SLC35F4: variants seen among roughly 807,000 people sequenced by gnomAD.
SLC35F4 encodes the protein solute carrier family 35 member F4.
SLC35F4 carries 24 observed loss-of-function variants against 44.2 expected under a neutral mutation model. The ratio of observed to expected loss-of-function variants is 0.54; its 90% confidence interval spans 0.39 to 0.76. SLC35F4 has a LOEUF of 0.76. Among genes scored for constraint, SLC35F4 ranks in the 30% least tolerant of loss-of-function variants. SLC35F4 has a pLI of 0.00. For synonymous variants in SLC35F4, 238 were observed against 223.6 expected, an observed-to-expected ratio of 1.06 and a Z score of -0.57; for missense variants, 562 against 586.1, an observed-to-expected ratio of 0.96 and a Z score of 0.42.
intron 1 of SLC35F4, among the ~76,000 whole-genome samples, chr14:57,715,119 A>G (rs535652089): frequency 6.6e-6 from 1 of 152,298 alleles, no homozygotes; most frequent in South Asian, 2.1e-4. Context: ...CTGAGGGCTC[A>G]GTTAGGGAAC....
intron 1 of SLC35F4, among the ~76,000 whole-genome samples, chr14:57,719,081 G>A (rs141476705): frequency 6.6e-6 from 1 of 152,220 alleles, no homozygotes; most frequent in Non-Finnish European, 1.5e-5. Flanking sequence ...CAGCAGCATT[G>A]ATTGAAAATA....
At chr14:57,799,208 G>A (rs1219601756) in intron 1 of SLC35F4, among the ~76,000 whole-genome samples, 1 of 152,176 alleles carries the variant, frequency 6.6e-6, no homozygotes, top group Non-Finnish European at 1.5e-5. Flanking sequence ...CAGAGCCAAA[G>A]AAACCCCCAC....
intron 3 of SLC35F4, among the ~76,000 whole-genome samples, chr14:57,582,712 A>G (rs376864250): frequency 6.6e-6 from 1 of 152,168 alleles, no homozygotes; most frequent in Non-Finnish European, 1.5e-5. Flanking sequence ...CATGAGTAGT[A>G]TATGTTTATA....
At chr14:57,962,453 G>A (rs549063922) in intron 1 of SLC35F4, among the ~76,000 whole-genome samples, 5 of 152,230 alleles carry the variant, frequency 3.3e-5, no homozygotes, top group East Asian at 1.9e-4. Context: ...GCAGATTCTC[G>A]GCCCTGCCTC....
intron 1 of SLC35F4, among the ~76,000 whole-genome samples, chr14:57,833,456 G>C (rs1478887536): frequency 6.6e-6 from 1 of 152,190 alleles, no homozygotes; most frequent in Non-Finnish European, 1.5e-5. Flanking sequence ...AGGTGATTCT[G>C]ATGAATCAAA....
intron 1 of SLC35F4, among the ~76,000 whole-genome samples, chr14:57,712,503 G>C (rs2075839280): frequency 6.6e-6 from 1 of 152,094 alleles, no homozygotes; most frequent in Non-Finnish European, 1.5e-5. Context: ...AGTTTTTCAA[G>C]GTATTGACAT....
At chr14:57,951,731 C>A (rs534539517) in intron 1 of SLC35F4, among the ~76,000 whole-genome samples, 5 of 152,346 alleles carry the variant, frequency 3.3e-5, no homozygotes, top group African/African-American at 1.2e-4. Context: ...AACTGCCTCT[C>A]TAGATTTCTC....
intron 2 of SLC35F4, among the ~76,000 whole-genome samples, chr14:57,593,157 T>C (rs1420457520): frequency 6.6e-6 from 1 of 152,196 alleles, no homozygotes; most frequent in Admixed American, 6.5e-5. Flanking sequence ...AACTGTTTGC[T>C]CTTTTCAGGA....
intron 1 of SLC35F4, among the ~76,000 whole-genome samples, chr14:57,599,580 G>A (rs1028190589): frequency 7.2e-5 from 11 of 152,080 alleles, no homozygotes; most frequent in African/African-American, 2.7e-4. Context: ...GGTGGCTCAC[G>A]ACTGTAATCC....
intron 1 of SLC35F4, among the ~76,000 whole-genome samples, chr14:57,845,571 C>T (rs995190279): frequency 4.3e-4 from 65 of 152,218 alleles, no homozygotes; most frequent in Middle Eastern, 3.4e-3. Flanking sequence ...GTATACAGTG[C>T]CTATTTGGGT....
chr14:57,711,324 G>A (rs527440499), intron 1 of SLC35F4, among the ~76,000 whole-genome samples: 1 of 152,198 alleles, frequency 6.6e-6, no homozygotes, highest in South Asian at 2.1e-4. Context: ...AGAACTGTGA[G>A]TCAATTAAGC....
chr14:57,789,746 A>G (rs76113363), intron 1 of SLC35F4, among the ~76,000 whole-genome samples: 1 of 152,240 alleles, frequency 6.6e-6, no homozygotes, highest in African/African-American at 2.4e-5. Context: ...AAAATTCTCA[A>G]TAAAATACTG....
chr14:57,893,223 G>C (rs1483513035), intron 1 of SLC35F4, among the ~76,000 whole-genome samples: 2 of 152,116 alleles, frequency 1.3e-5, no homozygotes, highest in Non-Finnish European at 2.9e-5. Context: ...TCCCCATATA[G>C]TGCCCCCTTT....
At chr14:57,870,868 T>A (rs986497168), upstream of SLC35F4, among the ~76,000 whole-genome samples, 1 of 152,230 alleles carries the variant, frequency 6.6e-6, no homozygotes, top group African/African-American at 2.4e-5. Context: ...CCATGGGTAA[T>A]GATCACGTGA....
intron 1 of SLC35F4, among the ~76,000 whole-genome samples, chr14:57,977,512 C>A (rs1881253722): frequency 6.6e-6 from 1 of 152,174 alleles, no homozygotes; most frequent in Non-Finnish European, 1.5e-5. Context: ...TGATTGACTA[C>A]AATCCATCAA....
At chr14:57,932,996 A>G (rs974773278) in intron 1 of SLC35F4, among the ~76,000 whole-genome samples, 2 of 151,880 alleles carry the variant, frequency 1.3e-5, no homozygotes, top group African/African-American at 4.8e-5. Flanking sequence ...TCCTGCTGAA[A>G]TCAACCTCGG....
chr14:57,783,470 G>A (rs1235421798), intron 1 of SLC35F4, among the ~76,000 whole-genome samples: 1 of 152,144 alleles, frequency 6.6e-6, no homozygotes, highest in Non-Finnish European at 1.5e-5. Flanking sequence ...AGGCAGGAAG[G>A]AATGGGCTAA....
chr14:57,769,108 C>T (rs1264985339), intron 1 of SLC35F4, among the ~76,000 whole-genome samples: 1 of 152,116 alleles, frequency 6.6e-6, no homozygotes, highest in Non-Finnish European at 1.5e-5. Flanking sequence ...TAAACTATCC[C>T]AGGAATATTA....
At chr14:57,752,446 G>A (rs1210349010) in intron 1 of SLC35F4, among the ~76,000 whole-genome samples, 6 of 151,556 alleles carry the variant, frequency 4.0e-5, no homozygotes, top group Non-Finnish European at 8.8e-5. Flanking sequence ...GGAAAGCCCT[G>A]AGGTTTTTTT....
Sources: allele counts gnomAD v4.1 joint callset (sites outside exome capture counted in the v4.1 genomes callset), GRCh38; gene constraint gnomAD v4.1.1; transcripts MANE v1.5; gene names NCBI Gene and HGNC (gene_info 2026-07-23, HGNC 2026-07-21).